Variants in THNSL1 observed in about 807,000 individuals in gnomAD.
THNSL1 encodes threonine synthase like 1.
Under a neutral mutation model 50.4 loss-of-function variants are expected in THNSL1, and 48 were observed. The observed-to-expected ratio is 0.95, with a 90% CI of 0.76 to 1.21. The LOEUF (loss-of-function observed/expected upper bound fraction) is 1.21. Ranked by LOEUF, THNSL1 falls within the 50% of genes most tolerant of loss-of-function variation. The probability of loss-of-function intolerance (pLI) is 0.00; values close to 1 mark genes in which losing one functional copy is unlikely to be tolerated. For missense variants in THNSL1, 896 were observed against 871.7 expected, an observed-to-expected ratio of 1.03 and a Z score of -0.35; for synonymous variants, 309 against 306.1, an observed-to-expected ratio of 1.01 and a Z score of -0.10.
the THNSL1 span, among the ~76,000 whole-genome samples, chr10:24,957,471 T>C: frequency 5.9e-5 from 3 of 50,972 alleles, no homozygotes; most frequent in Non-Finnish European, 1.1e-4. Flanking sequence ...TTGATGTTTG[T>C]TTGTTTGTTT....
chr10:25,009,470 T>G, the THNSL1 span, among the ~76,000 whole-genome samples: 1 of 152,238 alleles, frequency 6.6e-6, no homozygotes, highest in South Asian at 2.1e-4. Context: ...ATTTGCATGT[T>G]GATGTTAGCA....
At chr10:25,007,412 TTTC>T in the THNSL1 span, among the ~76,000 whole-genome samples, 1 of 151,870 alleles carries the variant, frequency 6.6e-6, no homozygotes, top group African/African-American at 2.4e-5. Context: ...TATGTATAGG[TTTC>T]TTATTTATTT....
At chr10:24,976,636 C>A in the THNSL1 span, among the ~76,000 whole-genome samples, 12 of 151,882 alleles carry the variant, frequency 7.9e-5, no homozygotes, top group Non-Finnish European at 1.5e-4. Context: ...ATTACAGGTG[C>A]CTGCCACCAC....
rs778638902 is a variant in THNSL1, at chr10:25,023,856, G to A, written c.633G>A (p.Glu211=). The part of the protein sequence containing the change: ...VFCESGASPE[E]VADKVLNAIK... ...GTGAAAGTGGGGCTTCCCCAGAGGA[G>A]GTAGCTGACAAAGTGCTGAATGCAA... Residue 211 remains glutamate (E), a synonymous_variant, in exon 3 of 3, where the codon GAG becomes GAA. Coordinates refer to ENST00000376356, the MANE Select transcript of THNSL1 (RefSeq NM_024838.5). 13 of 1,614,066 alleles carry A rather than the reference G, an allele frequency of 8.1e-6. No homozygotes were observed. In the South Asian group the frequency reaches 1.2e-4, roughly 15 times the overall value.
At chr10:24,973,069 A>G in the THNSL1 span, among the ~76,000 whole-genome samples, 1 of 152,210 alleles carries the variant, frequency 6.6e-6, no homozygotes, top group South Asian at 2.1e-4. Flanking sequence ...CACAGATAGA[A>G]CATTCATTCT....
chr10:24,978,251 T>G, the THNSL1 span, among the ~76,000 whole-genome samples: 1 of 152,206 alleles, frequency 6.6e-6, no homozygotes, highest in Admixed American at 6.5e-5. Context: ...TTGGCTTCGC[T>G]CCACAATTTT....
intron 1 of THNSL1, among the ~76,000 whole-genome samples, chr10:25,018,148 A>G (rs1029698006): frequency 6.6e-5 from 10 of 152,290 alleles, no homozygotes; most frequent in African/African-American, 2.2e-4. Context: ...TTTGTGCAAG[A>G]CCTCACTGTG....
the THNSL1 span, among the ~76,000 whole-genome samples, chr10:25,008,593 C>A: frequency 6.6e-6 from 1 of 152,164 alleles, no homozygotes; most frequent in Non-Finnish European, 1.5e-5. Flanking sequence ...TACAATTAAT[C>A]ACAATGAAAA....
the THNSL1 span, chr10:24,952,482 A>T: frequency 6.5e-7 from 1 of 1,545,874 alleles, no homozygotes; most frequent in Non-Finnish European, 8.8e-7. The surrounding 1 kb of genome is among the most constrained non-coding windows in gnomAD (Gnocchi z 5.1). Flanking sequence ...GGTGCCAGGG[A>T]GGGAGGGGAG....
rs767045593 is a variant in THNSL1 at position 25,023,831 on chromosome 10, G to A, written c.608G>A (p.Cys203Tyr). 1 of 1,614,214 alleles carries A rather than the reference G, an allele frequency of 6.2e-7. No individual in the cohort carries two copies. The highest frequency in any genetic ancestry group is 8.5e-7 in the Non-Finnish European group (1 of 1,180,034). The change falls in exon 3 of 3, where the codon TGT becomes TAT. Residue 203 changes from cysteine (C) to tyrosine (Y), a missense_variant. Coordinates refer to ENST00000376356, the MANE Select transcript of THNSL1 (RefSeq NM_024838.5). ...AAGTGGTATGATGCTCGTGTTTTCT[G>A]TGAAAGTGGGGCTTCCCCAGAGGAG... is the stretch of plus-strand genomic sequence containing the variant. ...YKKWYDARVF[C>Y]ESGASPEEVA...
chr10:25,010,776 A>G, the THNSL1 span, among the ~76,000 whole-genome samples: 2 of 143,386 alleles, frequency 1.4e-5, no homozygotes, highest in African/African-American at 4.9e-5. Flanking sequence ...ACATGAACTC[A>G]TCATTTTTTA....
the THNSL1 span, among the ~76,000 whole-genome samples, chr10:24,994,014 G>A: frequency 1.3e-5 from 2 of 152,148 alleles, no homozygotes; most frequent in African/African-American, 2.4e-5. Flanking sequence ...GCCACAGAAG[G>A]AGGAAGTACC....
At chr10:24,981,937 T>A in the THNSL1 span, 1 of 152,212 alleles carries the variant, frequency 6.6e-6, no homozygotes, top group Non-Finnish European at 1.5e-5. Context: ...ATCCTCCAAG[T>A]CTGACTTATG....
At chr10:24,981,294 C>A in the THNSL1 span, among the ~76,000 whole-genome samples, 2 of 152,176 alleles carry the variant, frequency 1.3e-5, no homozygotes, top group African/African-American at 2.4e-5. Flanking sequence ...ACCTTGCAGA[C>A]CTTTCTCCTC....
At chr10:24,998,516 A>C in the THNSL1 span, among the ~76,000 whole-genome samples, 57 of 152,206 alleles carry the variant, frequency 3.7e-4, no homozygotes, top group African/African-American at 1.3e-3. Flanking sequence ...TGAAGACTAC[A>C]GGTGCATGCC....
chr10:25,018,329 T>G (rs1850649620), intron 1 of THNSL1, among the ~76,000 whole-genome samples: 1 of 152,232 alleles, frequency 6.6e-6, no homozygotes, highest in African/African-American at 2.4e-5. Context: ...AAAATGCCTG[T>G]GTCCACCGCA....
At chr10:24,999,692 C>T in the THNSL1 span, 1 of 761,472 alleles carries the variant, frequency 1.3e-6, no homozygotes. Flanking sequence ...CTTACCTGAG[C>T]CCTGTCCATC....
At chr10:25,009,515 G>C in the THNSL1 span, among the ~76,000 whole-genome samples, 1 of 152,316 alleles carries the variant, frequency 6.6e-6, no homozygotes, top group East Asian at 1.9e-4. Context: ...ATAAGGTAGA[G>C]AAATATGAGT....
At chr10:25,002,793 C>A in the THNSL1 span, among the ~76,000 whole-genome samples, 4,387 of 152,126 alleles carry the variant, frequency 0.029, 143 homozygotes, top group African/African-American at 0.078. Context: ...CAATTATAGT[C>A]CAAACTGAAT....
Sources: allele counts gnomAD v4.1 joint callset (sites outside exome capture counted in the v4.1 genomes callset), GRCh38; gene constraint gnomAD v4.1.1; non-coding constraint Gnocchi (gnomAD v3.1); transcripts MANE v1.5; gene names NCBI Gene and HGNC (gene_info 2026-07-23, HGNC 2026-07-21).